MRC1: variants seen among roughly 807,000 people sequenced by gnomAD.
MRC1 encodes the protein macrophage mannose receptor 1.
A neutral mutation model predicts 102.9 loss-of-function variants in MRC1; 62 were observed. That is an observed-to-expected ratio of 0.60 (90% CI 0.49 to 0.74). The LOEUF is 0.74. Ranked by LOEUF, MRC1 falls within the 30% of genes least tolerant of loss-of-function variation. The pLI is 0.00. For missense variants in MRC1, 1,237 were observed against 862.8 expected (o/e 1.43, Z -5.43); for synonymous variants, 457 against 298.4 (o/e 1.53, Z -5.48).
chr10:17,887,273 C>G (rs1833611180), intron 22 of MRC1, among the ~76,000 whole-genome samples: 1 of 152,140 alleles, frequency 6.6e-6, no homozygotes, highest in Non-Finnish European at 1.5e-5. Context: ...CGCCTGTCAT[C>G]CCAGCTGCTC....
intron 11 of MRC1, among the ~76,000 whole-genome samples, chr10:17,865,854 A>G (rs1269112860): frequency 6.6e-6 from 1 of 152,244 alleles, no homozygotes; most frequent in Non-Finnish European, 1.5e-5. Context: ...AATGACTTCT[A>G]AGCACTTCAT....
Position 17,894,361 on chromosome 10 carries a change from T to TC in MRC1, c.3250+53dup, listed in dbSNP as rs1181595493. The TC allele has an allele frequency of 4.8e-6, 4 of 835,294 alleles. No homozygotes were observed. The African/African-American group carries it at 5.0e-5, about 11-fold the overall frequency. 51.7% of individuals were successfully genotyped at this position (835,294 alleles called of 1,614,324 possible). A position where few individuals can be genotyped will look rare whatever the true frequency, so the allele number is the denominator to read the frequency against. On this transcript the variant is annotated intron_variant, in intron 23 of 29. Transcript: ENST00000569591. ...TCCTGAAAGAGCTGGGGTTTTTTTT[T>TC]CCCCACTTTTTTCTTTCTTTCTTTC...
intron 7 of MRC1, among the ~76,000 whole-genome samples, chr10:17,850,000 G>A (rs1380294361): frequency 2.6e-5 from 4 of 152,058 alleles, no homozygotes; most frequent in Non-Finnish European, 4.4e-5. Flanking sequence ...CTTTTAATGT[G>A]TAATCCATTT....
intron 26 of MRC1, among the ~76,000 whole-genome samples, chr10:17,906,253 C>G (rs2130724250): frequency 6.6e-6 from 1 of 150,612 alleles, no homozygotes; most frequent in East Asian, 2.0e-4. Flanking sequence ...CCACATTGCT[C>G]TTAATACCAA....
intron 4 of MRC1, among the ~76,000 whole-genome samples, chr10:17,835,715 G>T (rs1554839412): frequency 6.6e-6 from 1 of 152,212 alleles, no homozygotes; most frequent in East Asian, 1.9e-4. Context: ...TCTCCTGTTT[G>T]GAAAACTAGA....
In MRC1 at chr10:17,850,256, G is replaced by GTTTTTTTTT. The variant is rs71507247; in HGVS notation, c.1249+497_1249+505dup. ...GTGTTGAACAGTGAAAAATATAGGAGTTTTTTTTTTTTTGAAATGGTTAGA... is the reference window on the plus strand; with the variant it reads ...GTGTTGAACAGTGAAAAATATAGGAGTTTTTTTTTTTTTTTTTTTTTTGAAATGGTTAGA... On this transcript the variant is annotated intron_variant, in intron 7 of 29. Transcript: ENST00000569591. 5.0e-3 allele frequency among the ~76,000 whole-genome samples: 655 copies of GTTTTTTTTT among 131,468 alleles called. 30 individuals carry two copies. Among genetic ancestry groups the GTTTTTTTTT allele is most frequent in the African/African-American group, 9.3e-3 (328 of 35,180 alleles). 86.2% of individuals were successfully genotyped at this position (131,468 alleles called of 152,430 possible).
In MRC1 at chr10:17,879,940, G is replaced by C. The variant is rs1833490749; in HGVS notation, c.2719+119G>C. 3 of 760,752 alleles carry C rather than the reference G, an allele frequency of 3.9e-6. No individual in the cohort carries two copies. In the South Asian group the frequency reaches 4.2e-5, roughly 11 times the overall value. The allele number at this position is 760,752 out of a possible 1,614,324, so 47.1% of individuals were successfully genotyped here. A position where few individuals can be genotyped will look rare whatever the true frequency, so the allele number is the denominator to read the frequency against. Reference sequence around the variant, plus strand: ...AGACAAGATAAGAAGAGAGAATAAAGGAGAATTCTAATTTTGGCAGCCTAA... The same window carrying C: ...AGACAAGATAAGAAGAGAGAATAAACGAGAATTCTAATTTTGGCAGCCTAA... On this transcript the variant is annotated intron_variant, in intron 19 of 29. Coordinates refer to ENST00000569591, the MANE Select transcript of MRC1 (RefSeq NM_002438.4).
In MRC1 at chr10:17,879,748, C is replaced by T. The variant is rs1158293889; in HGVS notation, c.2646C>T (p.Tyr882=). 15 of 780,848 alleles carry T rather than the reference C, an allele frequency of 1.9e-5. No homozygotes were observed. Among genetic ancestry groups the T allele is most frequent in the African/African-American group, 6.8e-5 (4 of 59,250 alleles). The allele number at this position is 780,848 out of a possible 1,614,324, so 48.4% of individuals were successfully genotyped here. The stretch of plus-strand genomic sequence containing the variant: ...GGATGGATGGAAGCAAAGTGGATTA[C>T]GTGTCTTGGGCCACAGGTGAACCCA... ...FAWMDGSKVD[Y]VSWATGEPNF... is the part of the protein sequence containing the mutation. Residue 882 remains tyrosine (Y), a synonymous_variant, in exon 19 of 30, where the codon TAC becomes TAT. Transcript: ENST00000569591.
intron 3 of MRC1, among the ~76,000 whole-genome samples, chr10:17,830,117 G>C (rs1285845186): frequency 6.6e-6 from 1 of 151,184 alleles, no homozygotes. Flanking sequence ...TTTCAAAAGA[G>C]TTTTTATTGT....
Position 17,898,165 on chromosome 10 carries a change from T to A in MRC1, c.3382T>A (p.Ser1128Thr), listed in dbSNP as rs1833780762. Residue 1128 changes from serine (S) to threonine (T), a missense_variant, in exon 24 of 30, where the codon TCC becomes ACC. By Grantham distance (58) the Ser-to-Thr change is moderately conservative (BLOSUM62 1). Transcript: ENST00000569591. ...GGAGACATACTGCAAGCTTCACAAT[T>A]CCCTTATAGCCAGCATTCTGGATCC... ...EAETYCKLHNSLIASILDPYS... is the reference protein window; with the variant it reads ...EAETYCKLHNTLIASILDPYS... The A allele has an allele frequency of 1.3e-6, 1 of 780,712 alleles. No homozygotes were observed. Among genetic ancestry groups the A allele is most frequent in the Admixed American group, 1.7e-5 (1 of 59,008 alleles). The allele number at this position is 780,712 out of a possible 1,614,324, so 48.4% of individuals were successfully genotyped here.
intron 23 of MRC1, among the ~76,000 whole-genome samples, chr10:17,895,227 C>G (rs1364720738): frequency 1.3e-5 from 2 of 151,724 alleles, no homozygotes; most frequent in Non-Finnish European, 2.9e-5. Flanking sequence ...AAAATAAAAA[C>G]AAAAACAAAA....
Position 17,850,780 on chromosome 10 carries a change from G to A in MRC1, c.1249+1016G>A, listed in dbSNP as rs2130643833. ...AACTGATTGGGGCTGGGGGAGGGGA[G>A]GAAAAAGCAACTAACAAATAGATGA... On this transcript the variant is annotated intron_variant, in intron 7 of 29. Transcript: ENST00000569591. Among the ~76,000 whole-genome samples the A allele has an allele frequency of 2.0e-5, 3 of 152,142 alleles. No individual in the cohort carries two copies. In the South Asian group the frequency reaches 6.2e-4, roughly 32 times the overall value.
intron 21 of MRC1, among the ~76,000 whole-genome samples, chr10:17,882,222 T>C (rs1240599487): frequency 6.6e-6 from 1 of 152,036 alleles, no homozygotes; most frequent in Non-Finnish European, 1.5e-5. Flanking sequence ...TCACTGCAAG[T>C]GAGTCAGGGT....
intron 26 of MRC1, among the ~76,000 whole-genome samples, chr10:17,906,337 A>G (rs888763977): frequency 3.5e-5 from 5 of 142,536 alleles, no homozygotes; most frequent in Non-Finnish European, 6.0e-5. Context: ...GATTGGTGCT[A>G]TACTCCAGCC....
intron 2 of MRC1, 134 bp from the exon 3 acceptor site, chr10:17,827,408 A>ATCCCTCTGTGGGTGC: frequency 1.6e-5 from 5 of 308,804 alleles, no homozygotes; most frequent in Non-Finnish European, 1.9e-5. Context: ...AAAAAAAAAA[A>ATCCCTCTGTGGGTGC]AAGAAATCCC....
intron 9 of MRC1, among the ~76,000 whole-genome samples, chr10:17,856,565 C>T (rs1020639635): frequency 1.3e-5 from 2 of 151,964 alleles, no homozygotes; most frequent in African/African-American, 4.8e-5. Context: ...TACACAAGGC[C>T]GGTAGCTCCT....
At chr10:17,812,849 G>T (rs1242067401) in intron 1 of MRC1, among the ~76,000 whole-genome samples, 1 of 152,100 alleles carries the variant, frequency 6.6e-6, no homozygotes, top group Non-Finnish European at 1.5e-5. Context: ...GACATTACAG[G>T]CATGAGCCAC....
At chr10:17,869,190 C>T (rs1833320316) in intron 12 of MRC1, among the ~76,000 whole-genome samples, 1 of 152,034 alleles carries the variant, frequency 6.6e-6, no homozygotes, top group Non-Finnish European at 1.5e-5. Flanking sequence ...AATATATAGA[C>T]CACCTTTATA....
chr10:17,836,601 G>A (rs1184028919), intron 4 of MRC1, among the ~76,000 whole-genome samples: 2 of 152,122 alleles, frequency 1.3e-5, no homozygotes, highest in Non-Finnish European at 2.9e-5. Context: ...TTGGGAGGCC[G>A]AGGTGGGTGG....
Sources: gnomAD v4.1 joint callset for allele counts (sites outside exome capture counted in the v4.1 genomes callset) on GRCh38, gnomAD v4.1.1 for gene constraint, MANE v1.5 for transcripts, NCBI Gene and HGNC (gene_info 2026-07-23, HGNC 2026-07-21) for gene names.